TUBGCP6: variants seen among roughly 807,000 people sequenced by gnomAD.
TUBGCP6 encodes the protein tubulin gamma complex component 6.
In TUBGCP6, 161 loss-of-function variants were observed where a neutral mutation model predicts 175.8. The ratio of observed to expected loss-of-function variants is 0.92; its 90% CI spans 0.81 to 1.04. The LOEUF (loss-of-function observed/expected upper bound fraction) is 1.04. TUBGCP6 is among the 50% of genes least tolerant of loss of function. TUBGCP6 has a pLI of 0.00. For missense variants in TUBGCP6, 2,572 were observed against 2,433.0 expected (o/e 1.06, Z -1.20); for synonymous variants, 1,173 against 1,030.5 (o/e 1.14, Z -2.65).
chr22:50,227,226 A>C, intron 5 of TUBGCP6, 149 bp from the exon 6 acceptor site: 1 of 710,128 alleles, frequency 1.4e-6, no homozygotes, highest in Non-Finnish European at 2.3e-6. Flanking sequence ...CACCCCAACC[A>C]CCCAGAAACG....
intron 2 of TUBGCP6, among the ~76,000 whole-genome samples, chr22:50,233,965 C>CCATGGCAGCATCCACATCCCTGTT (rs2064727004): frequency 1.3e-5 from 2 of 151,340 alleles, no homozygotes; most frequent in South Asian, 2.1e-4. Flanking sequence ...ACACCCAGGT[C>CCATGGCAGCATCCACATCCCTGTT]CATGGCAGCA....
chr22:50,219,352 G>T lies in TUBGCP6; in HGVS notation c.4420C>A (p.Leu1474Met). 6.3e-7 allele frequency: 1 copy of T among 1,592,830 alleles called. No homozygotes were observed. The highest frequency in any genetic ancestry group is 2.3e-5 in the East Asian group (1 of 44,114). Residue 1474 changes from leucine (L) to methionine (M), a missense_variant, in exon 19 of 25, where the codon CTG (leucine) becomes ATG (methionine). Transcript: ENST00000248846. ...ACGGGCAGCGTCAGCAACTCGCTCA[G>T]CTGCACAGCAGTCTCATCAGCGGCA... ...QSAADETAVQ[L>M]SELLTLPVLM... is the part of the protein sequence containing the mutation.
At chr22:50,219,483 TG>T in intron 18 of TUBGCP6, 27 bp from the exon 19 acceptor site, 1 of 1,594,746 alleles carries the variant, frequency 6.3e-7, no homozygotes. Flanking sequence ...ACGCACGTGC[TG>T]GGAACCGGCC....
chr22:50,222,009 G>A lies in TUBGCP6; in HGVS notation c.2484+19C>T, dbSNP rs751351919. ...ATGGGAAAACCATAGGGCACCCTGG[G>A]TTCCACTCTGCCGCTTACCTGGGGG... On this transcript the variant is annotated intron_variant, in intron 15 of 24. Transcript: ENST00000248846. 1.2e-4 allele frequency: 187 copies of A among 1,613,450 alleles called. No homozygotes were observed. The highest frequency in any genetic ancestry group is 1.5e-4 in the Admixed American group (9 of 59,974).
chr22:50,227,170 C>T, intron 5 of TUBGCP6, 93 bp from the exon 6 acceptor site: 2 of 1,148,818 alleles, frequency 1.7e-6, no homozygotes, highest in Non-Finnish European at 2.5e-6. Flanking sequence ...TATCTTTATG[C>T]TCCCTGGGGC....
Position 50,244,476 on chromosome 22 carries a change from G to C in TUBGCP6, c.-17C>G, listed in dbSNP as rs1343924079. On this transcript the variant is annotated 5_prime_UTR_variant, in exon 1 of 25. Transcript: ENST00000248846. ...GCTGGCCATGCCCCTTCTCAGCTCC[G>C]GGCCCCCGGCGTGTGGGAAAACACC... 4 of 1,595,408 alleles carry C rather than the reference G, an allele frequency of 2.5e-6. No homozygotes were observed. Among genetic ancestry groups the C allele is most frequent in the Middle Eastern group, 1.7e-4 (1 of 5,890 alleles).
chr22:50,224,145 C>A lies in TUBGCP6; in HGVS notation c.2266G>T (p.Ala756Ser). Reference protein sequence around the residue: ...KSLEEELERKARQALVDHYSK... With the variant: ...KSLEEELERKSRQALVDHYSK... ...CTGGAGCCCGGGCTGCCCTACCTCG[C>A]CTTCCTCTCCAGCTCCTCCTCCAGG... is the stretch of plus-strand genomic sequence containing the variant. The change falls in exon 13 of 25, where the codon GCG becomes TCG. Residue 756 changes from alanine to serine, a missense_variant. Ala to Ser is a moderately conservative substitution (Grantham distance 99). Coordinates refer to ENST00000248846, the MANE Select transcript of TUBGCP6 (RefSeq NM_020461.4). 2 of 1,613,172 alleles carry A rather than the reference C, an allele frequency of 1.2e-6. No homozygotes were observed. Among genetic ancestry groups the A allele is most frequent in the East Asian group, 2.2e-5 (1 of 44,890 alleles).
intron 17 of TUBGCP6, 49 bp downstream of exon 17, chr22:50,219,908 C>A (rs531270430): frequency 1.2e-6 from 2 of 1,611,964 alleles, no homozygotes; most frequent in South Asian, 1.1e-5. Context: ...CCTAGAGGGA[C>A]AGAGCCCTCC....
At chr22:50,224,724 T>A in intron 10 of TUBGCP6, 132 bp from the exon 11 acceptor site, 1 of 824,660 alleles carries the variant, frequency 1.2e-6, no homozygotes, top group Admixed American at 2.3e-5. Flanking sequence ...CTGGACAACA[T>A]AGCAAAAACC....
intron 1 of TUBGCP6, among the ~76,000 whole-genome samples, chr22:50,240,915 G>A (rs1045001892): frequency 2.6e-5 from 4 of 152,248 alleles, no homozygotes; most frequent in Non-Finnish European, 4.4e-5. Context: ...CTTGAACCCG[G>A]GAAGCGGAGG....
intron 4 of TUBGCP6, 55 bp from the exon 5 acceptor site, chr22:50,228,083 C>A (rs1388016039): frequency 2.7e-6 from 4 of 1,477,144 alleles, no homozygotes; most frequent in Non-Finnish European, 3.6e-6. Flanking sequence ...GCAGCCGTGC[C>A]CAGGGCCTGA....
intron 10 of TUBGCP6, among the ~76,000 whole-genome samples, chr22:50,224,808 T>C (rs915883172): frequency 6.7e-6 from 1 of 150,248 alleles, no homozygotes; most frequent in East Asian, 2.0e-4. Flanking sequence ...TTGGCGGGGG[T>C]CAGGGGAGCT....
chr22:50,220,198 G>A (rs2064493073), intron 16 of TUBGCP6, 53 bp downstream of exon 16: 1 of 1,548,332 alleles, frequency 6.5e-7, no homozygotes, highest in African/African-American at 1.4e-5. Context: ...CTACCTCCCA[G>A]GCTCTGTGCG....
rs759507234 is a variant in TUBGCP6, at chr22:50,227,935, G to A, written c.1384C>T (p.Leu462Phe). ...PTLSLLTIGF[L>F]FKKLGRQLRY... ...AGCTGCCGGCCAAGTTTCTTGAAGA[G>A]AAAACCAATGGTGAGGAGGCTCAGG... The change falls in exon 5 of 25, where the codon CTC becomes TTC. Residue 462 changes from leucine to phenylalanine, a missense_variant. Transcript: ENST00000248846. The A allele has an allele frequency of 3.2e-6, 5 of 1,574,944 alleles. No individual in the cohort carries two copies. The African/African-American group carries it at 4.0e-5, about 13-fold the overall frequency.
intron 1 of TUBGCP6, among the ~76,000 whole-genome samples, chr22:50,242,998 TC>T (rs963573488): frequency 1.3e-5 from 2 of 151,796 alleles, no homozygotes; most frequent in African/African-American, 4.8e-5. Context: ...CACCAGACTA[TC>T]CCCCCTTTTA....
intron 1 of TUBGCP6, among the ~76,000 whole-genome samples, chr22:50,240,937 C>A (rs1000713318): frequency 2.0e-4 from 31 of 152,160 alleles, no homozygotes; most frequent in African/African-American, 7.5e-4. Flanking sequence ...TGCAGTGAGC[C>A]GAGATTGCGC....
Position 50,244,142 on chromosome 22 carries a change from C to A in TUBGCP6, c.318G>T (p.Glu106Asp). The A allele has an allele frequency of 6.2e-7, 1 of 1,613,528 alleles. No individual in the cohort carries two copies. Among genetic ancestry groups the A allele is most frequent in the East Asian group, 2.2e-5 (1 of 44,886 alleles). The part of the protein sequence containing the change: ...LEAAPCCPLL[E>D]VGSVLDLLVQ... ...CCAGGAGGTCCAAAACAGACCCCAC[C>A]TCCAAAAGCGGACAGCAAGGGGCTG... Residue 106 changes from glutamate (E) to aspartate (D), a missense_variant, in exon 1 of 25, where the codon GAG (glutamate) becomes GAT (aspartate). Physicochemically the swap from Glu to Asp is conservative, Grantham distance 45 (BLOSUM62 2). Transcript: ENST00000248846.
At position 50,224,501 on chromosome 22, in the gene TUBGCP6, G is replaced by A. The variant is rs910699514; in HGVS notation, c.2065+10C>T. 3 of 1,614,058 alleles carry A rather than the reference G, an allele frequency of 1.9e-6. No homozygotes were observed. Among genetic ancestry groups the A allele is most frequent in the African/African-American group, 1.3e-5 (1 of 74,918 alleles). ...CGGAACTGCAGAAGGGAGGACTTGG[G>A]GCCACTCACCACTCAGTGCACTCAG... On this transcript the variant is annotated intron_variant, in intron 11 of 24. Transcript: ENST00000248846.
intron 2 of TUBGCP6, among the ~76,000 whole-genome samples, chr22:50,235,941 GA>G (rs542229305): frequency 0.012 from 1,443 of 124,230 alleles, 19 homozygotes; most frequent in African/African-American, 0.038. Flanking sequence ...CTCCATCTCG[GA>G]AAAAAAAAAA....
Sources: allele counts gnomAD v4.1 joint callset (sites outside exome capture counted in the v4.1 genomes callset), GRCh38; gene constraint gnomAD v4.1.1; transcripts MANE v1.5; gene names NCBI Gene and HGNC (gene_info 2026-07-23, HGNC 2026-07-21).